Variants in SMARCA2 observed in about 807,000 individuals in gnomAD.
The protein encoded by SMARCA2 is SWI/SNF related BAF chromatin remodeling complex subunit ATPase 2.
Under a neutral mutation model 199.8 loss-of-function variants are expected in SMARCA2, and 61 were observed. The ratio of observed to expected loss-of-function variants is 0.31; its 90% CI spans 0.25 to 0.38. The LOEUF (loss-of-function observed/expected upper bound fraction) is 0.38, where lower values mean the gene tolerates loss of function less well. Among genes scored for constraint, SMARCA2 ranks in the 10% least tolerant of loss-of-function variants. The probability of loss-of-function intolerance (pLI) is 1.00; values close to 1 mark genes in which losing one functional copy is unlikely to be tolerated. For missense variants in SMARCA2, 1,344 were observed against 2,012.2 expected (o/e 0.67, Z 6.35); for synonymous variants, 935 against 732.0 (o/e 1.28, Z -4.48).
At position 2,179,525 on chromosome 9, in the gene SMARCA2, C is replaced by T. The variant is rs1263682474; in HGVS notation, c.4254-2046C>T. Among the ~76,000 whole-genome samples, 12 of 152,298 alleles carry T rather than the reference C, an allele frequency of 7.9e-5. No homozygotes were observed. In the East Asian group the frequency reaches 2.1e-3, roughly 27 times the overall value. On this transcript the variant is annotated intron_variant, in intron 29 of 33. Transcript: ENST00000349721. Reference sequence around the variant, plus strand: ...CTCTCTTCTTTATGAGCATAGAGAACTCTGGACTTGTCTCCTTATGGGGTT... The same window carrying T: ...CTCTCTTCTTTATGAGCATAGAGAATTCTGGACTTGTCTCCTTATGGGGTT...
At chr9:2,047,679 C>G in intron 5 of SMARCA2, 195 bp downstream of exon 5, 1 of 468,818 alleles carries the variant, frequency 2.1e-6, no homozygotes. Flanking sequence ...CAAAAGCCGA[C>G]GGGGACTTCC....
chr9:2,131,936 T>G (rs1232777242), intron 27 of SMARCA2, among the ~76,000 whole-genome samples: 14 of 87,074 alleles, frequency 1.6e-4, no homozygotes, highest in African/African-American at 9.2e-4. Flanking sequence ...AAACTCCATC[T>G]CAAAAAAAAA....
intron 27 of SMARCA2, among the ~76,000 whole-genome samples, chr9:2,155,386 G>C (rs528134890): frequency 3.2e-4 from 48 of 152,100 alleles, no homozygotes; most frequent in African/African-American, 1.1e-3. Context: ...GGGTTCAAGC[G>C]ATTCTCCTGC....
At chr9:2,175,032 C>T (rs1218858280) in intron 29 of SMARCA2, among the ~76,000 whole-genome samples, 1 of 147,828 alleles carries the variant, frequency 6.8e-6, no homozygotes, top group African/African-American at 2.5e-5. Context: ...TTTTGAAAGA[C>T]AGGGACGCTT....
chr9:2,028,898 A>G (rs900513460), intron 1 of SMARCA2, 89 bp from the exon 2 acceptor site: 16 of 1,078,362 alleles, frequency 1.5e-5, no homozygotes, highest in Admixed American at 5.0e-5. Flanking sequence ...TGTTACAGAA[A>G]TGGCACCATC....
At chr9:2,148,898 T>G (rs1824900676) in intron 27 of SMARCA2, among the ~76,000 whole-genome samples, 1 of 151,528 alleles carries the variant, frequency 6.6e-6, no homozygotes, top group Admixed American at 6.6e-5. Flanking sequence ...GTTGACCTGG[T>G]CTCCTGGTGT....
intron 27 of SMARCA2, among the ~76,000 whole-genome samples, chr9:2,135,608 C>A (rs1485572967): frequency 1.3e-5 from 2 of 152,214 alleles, no homozygotes; most frequent in Non-Finnish European, 2.9e-5. Flanking sequence ...GTGGTGCAAT[C>A]TTGGCTCACT....
At chr9:2,149,741 T>A (rs910760599) in intron 27 of SMARCA2, among the ~76,000 whole-genome samples, 2 of 151,558 alleles carry the variant, frequency 1.3e-5, no homozygotes, top group African/African-American at 4.8e-5. Flanking sequence ...ACCTTTGTTC[T>A]TATTTTTTTG....
intron 10 of SMARCA2, among the ~76,000 whole-genome samples, chr9:2,071,693 GC>G (rs1821095814): frequency 6.6e-6 from 1 of 152,096 alleles, no homozygotes; most frequent in Non-Finnish European, 1.5e-5. Flanking sequence ...CAGCGCTTTT[GC>G]CAAGGTTCTA....
chr9:2,148,161 A>G (rs1312060437), intron 27 of SMARCA2, among the ~76,000 whole-genome samples: 2 of 151,752 alleles, frequency 1.3e-5, no homozygotes, highest in African/African-American at 2.4e-5. Context: ...TCTTTATAGA[A>G]CTAAGAACCC....
intron 27 of SMARCA2, among the ~76,000 whole-genome samples, chr9:2,129,029 G>A (rs932159440): frequency 5.9e-5 from 9 of 152,196 alleles, no homozygotes; most frequent in Admixed American, 1.3e-4. Flanking sequence ...TCAGGGGCTC[G>A]TGAACCCTTT....
At chr9:2,091,560 T>C (rs899511495) in intron 19 of SMARCA2, among the ~76,000 whole-genome samples, 10 of 118,358 alleles carry the variant, frequency 8.4e-5, no homozygotes, top group African/African-American at 3.5e-4. Flanking sequence ...GCTATAAACT[T>C]TTCATGTACA....
Position 2,191,419 on chromosome 9 carries a change from C to T in SMARCA2, c.4737+11C>T, listed in dbSNP as rs200648786. The T allele has an allele frequency of 6.2e-7, 1 of 1,613,726 alleles. No homozygotes were observed. Among genetic ancestry groups the T allele is most frequent in the Non-Finnish European group, 8.5e-7 (1 of 1,179,726 alleles). ...GAGCAGGATGAACGTGTAAGTGTAGCCGACTGGGACTGAAGGCGGAGACGC... is the reference window on the plus strand; with the variant it reads ...GAGCAGGATGAACGTGTAAGTGTAGTCGACTGGGACTGAAGGCGGAGACGC... On this transcript the variant is annotated intron_variant, in intron 33 of 33. Coordinates refer to ENST00000349721, the MANE Select transcript of SMARCA2 (RefSeq NM_003070.5).
Position 2,120,963 on chromosome 9 carries a change from A to G in SMARCA2, c.3762+1428A>G, listed in dbSNP as rs1823433126. Among the ~76,000 whole-genome samples, 5 of 152,340 alleles carry G rather than the reference A, an allele frequency of 3.3e-5. No individual in the cohort carries two copies. In the South Asian group the frequency reaches 1.0e-3, roughly 32 times the overall value. On this transcript the variant is annotated intron_variant, in intron 26 of 33. Transcript: ENST00000349721. Reference sequence around the variant, plus strand: ...TTAAAGATACCCATCAGAAATAGACATCCCCTCTGTCCTTGAAGAACTAAT... The same window carrying G: ...TTAAAGATACCCATCAGAAATAGACGTCCCCTCTGTCCTTGAAGAACTAAT...
rs898096853 is a variant in SMARCA2 at position 2,170,268 on chromosome 9, G to T, written c.4200-151G>T. 4.5e-6 allele frequency: 4 copies of T among 885,836 alleles called. No homozygotes were observed. In the South Asian group the frequency reaches 7.6e-5, roughly 17 times the overall value. The allele number at this position is 885,836 out of a possible 1,614,324, so 54.9% of individuals were successfully genotyped here. A position where few individuals can be genotyped will look rare whatever the true frequency, so the allele number is the denominator to read the frequency against. On this transcript the variant is annotated intron_variant, in intron 28 of 33. Transcript: ENST00000349721. The surrounding 1 kb of genome is among the most constrained non-coding windows in gnomAD (Gnocchi z 4.7). ...GAACTATGTTATTTTTCCGAATGAG[G>T]TTCCAAACATAACCCCGTGTAATCT...
At chr9:2,149,725 A>G (rs1337974281) in intron 27 of SMARCA2, among the ~76,000 whole-genome samples, 1 of 151,470 alleles carries the variant, frequency 6.6e-6, no homozygotes, top group Non-Finnish European at 1.5e-5. Flanking sequence ...ATCACTGGCC[A>G]TGTTCACCTT....
At chr9:2,054,200 A>C (rs999152385) in intron 5 of SMARCA2, among the ~76,000 whole-genome samples, 7 of 152,200 alleles carry the variant, frequency 4.6e-5, no homozygotes, top group African/African-American at 1.7e-4. Flanking sequence ...AGAAGTTCGG[A>C]AGAAAAAAGT....
chr9:2,125,489 C>CTTT (rs60942071), intron 27 of SMARCA2, among the ~76,000 whole-genome samples: 13 of 129,792 alleles, frequency 1.0e-4, no homozygotes, highest in South Asian at 2.5e-4. Context: ...CTGGGCCAAC[C>CTTT]TTTTTTTTTT....
intron 4 of SMARCA2, chr9:2,046,021 A>C (rs960591612): frequency 6.6e-6 from 1 of 152,166 alleles, no homozygotes; most frequent in Non-Finnish European, 1.5e-5. Context: ...GTTTTTCATA[A>C]TGTATGTCGT....
Sources: gnomAD v4.1 joint callset for allele counts (sites outside exome capture counted in the v4.1 genomes callset) on GRCh38, gnomAD v4.1.1 for gene constraint, Gnocchi (gnomAD v3.1) non-coding constraint, MANE v1.5 for transcripts, NCBI Gene and HGNC (gene_info 2026-07-23, HGNC 2026-07-21) for gene names.